Variants in AGBL4 observed in about 807,000 individuals in gnomAD.
AGBL4 encodes the protein cytosolic carboxypeptidase 6.
AGBL4 carries 58 observed loss-of-function variants against 66.4 expected under a neutral mutation model. The ratio of observed to expected loss-of-function variants is 0.87; its 90% CI spans 0.71 to 1.09. AGBL4 has a LOEUF of 1.09. Among genes scored for constraint, AGBL4 ranks in the 50% least tolerant of loss-of-function variants. The probability of loss-of-function intolerance (pLI) is 0.00; values close to 1 mark genes in which losing one functional copy is unlikely to be tolerated. For synonymous variants in AGBL4, 234 were observed against 222.9 expected (o/e 1.05, Z -0.44); for missense variants, 579 against 631.0 (o/e 0.92, Z 0.88).
intron 6 of AGBL4, among the ~76,000 whole-genome samples, chr1:48,841,505 C>T (rs1166467904): frequency 4.0e-5 from 6 of 148,396 alleles, no homozygotes; most frequent in African/African-American, 1.5e-4. Context: ...GCCAGAGCAG[C>T]GATTTCATTT....
chr1:48,866,101 C>T (rs1648042980), intron 6 of AGBL4, among the ~76,000 whole-genome samples: 1 of 152,124 alleles, frequency 6.6e-6, no homozygotes, highest in Non-Finnish European at 1.5e-5. Context: ...CTAGTGGCTG[C>T]ACCTTACAGT....
chr1:49,876,058 C>T (rs1646995395), intron 1 of AGBL4, among the ~76,000 whole-genome samples: 1 of 147,558 alleles, frequency 6.8e-6, no homozygotes, highest in African/African-American at 2.5e-5. Flanking sequence ...TGGATATTAG[C>T]CCTTTGTCAG....
chr1:48,556,695 C>A (rs1328645174), intron 11 of AGBL4, among the ~76,000 whole-genome samples: 1 of 152,254 alleles, frequency 6.6e-6, no homozygotes, highest in Non-Finnish European at 1.5e-5. Flanking sequence ...CCTATACTCT[C>A]CCAGAGCCTC....
chr1:49,235,997 G>GATTTATTTATTTATTT (rs3052026), intron 4 of AGBL4, among the ~76,000 whole-genome samples: 5 of 148,394 alleles, frequency 3.4e-5, no homozygotes, highest in East Asian at 2.0e-4. Flanking sequence ...CATTTTGAAG[G>GATTTATTTATTTATTT]ATTTATTTAT....
At position 49,970,757 on chromosome 1, in the gene AGBL4, A is replaced by ACACAAAC. The variant is rs1557629112; in HGVS notation, c.34+53005_34+53006insGTTTGTG. 6.9e-4 allele frequency among the ~76,000 whole-genome samples: 6 copies of ACACAAAC among 8,638 alleles called. 1 individual carries two copies. The South Asian group carries it at 0.017, about 25-fold the overall frequency. The allele number at this position is 8,638 out of a possible 152,430, so 5.7% of individuals were successfully genotyped here. On this transcript the variant is annotated intron_variant, in intron 1 of 13. Transcript: ENST00000371839. The stretch of plus-strand genomic sequence containing the variant: ...CACACACACACACACATACACAAAC[A>ACACAAAC]AAAAAAAAAAACAGAACGGTGCCCA...
chr1:49,147,063 A>G (rs1569824132), intron 4 of AGBL4, among the ~76,000 whole-genome samples: 3 of 152,284 alleles, frequency 2.0e-5, no homozygotes, highest in South Asian at 4.1e-4. Context: ...GAGGCGACAC[A>G]GGAGGTGGAG....
At chr1:49,021,485 C>T (rs1395871463) in intron 5 of AGBL4, among the ~76,000 whole-genome samples, 1 of 151,950 alleles carries the variant, frequency 6.6e-6, no homozygotes, top group Non-Finnish European at 1.5e-5. Context: ...GGGATTAGTG[C>T]CTTTAAAAGG....
intron 3 of AGBL4, among the ~76,000 whole-genome samples, chr1:49,554,399 T>C (rs1000887207): frequency 6.6e-6 from 1 of 152,152 alleles, no homozygotes; most frequent in Non-Finnish European, 1.5e-5. Context: ...TGAGCACAGA[T>C]AAAAGGTTTT....
intron 11 of AGBL4, among the ~76,000 whole-genome samples, chr1:48,564,694 C>T (rs1005838636): frequency 1.3e-5 from 2 of 152,158 alleles, no homozygotes; most frequent in African/African-American, 4.8e-5. Flanking sequence ...AAGTATGAAA[C>T]AATAGAGGGA....
intron 3 of AGBL4, among the ~76,000 whole-genome samples, chr1:49,692,700 A>C (rs1269076979): frequency 6.6e-6 from 1 of 151,574 alleles, no homozygotes; most frequent in Non-Finnish European, 1.5e-5. Context: ...CCTAGACGAC[A>C]GAAAAAGACT....
intron 5 of AGBL4, among the ~76,000 whole-genome samples, chr1:48,903,325 G>A (rs772519047): frequency 1.2e-4 from 18 of 152,172 alleles, no homozygotes; most frequent in Non-Finnish European, 1.6e-4. Context: ...GTGCAGAGTC[G>A]GTGCCTGAGG....
chr1:49,813,954 AAT>A (rs1319067038), intron 2 of AGBL4, among the ~76,000 whole-genome samples: 1 of 152,104 alleles, frequency 6.6e-6, no homozygotes, highest in Non-Finnish European at 1.5e-5. Flanking sequence ...CATGATAGTG[AAT>A]ATGTCTCATG....
chr1:49,723,641 G>A (rs1009910373), intron 2 of AGBL4, among the ~76,000 whole-genome samples: 3 of 152,120 alleles, frequency 2.0e-5, no homozygotes, highest in Admixed American at 6.6e-5. Flanking sequence ...CAAATTGCCA[G>A]TTTTTCCAAG....
chr1:48,614,488 G>T (rs1358193473), intron 9 of AGBL4, among the ~76,000 whole-genome samples: 2 of 152,224 alleles, frequency 1.3e-5, no homozygotes, highest in Non-Finnish European at 2.9e-5. Context: ...ATACATCAAA[G>T]TGTAGCCCAA....
At chr1:49,404,085 T>C (rs1299463609) in intron 3 of AGBL4, among the ~76,000 whole-genome samples, 2 of 152,292 alleles carry the variant, frequency 1.3e-5, no homozygotes, top group East Asian at 1.9e-4. Context: ...TCATATGTAA[T>C]TTAACAGCAT....
intron 1 of AGBL4, chr1:50,017,213 T>A (rs1662052338): frequency 6.6e-6 from 1 of 152,098 alleles, no homozygotes; most frequent in Non-Finnish European, 1.5e-5. Context: ...TGAACAATAA[T>A]AAATACTATT....
intron 2 of AGBL4, among the ~76,000 whole-genome samples, chr1:49,716,498 T>C (rs1648150084): frequency 6.6e-6 from 1 of 151,906 alleles, no homozygotes; most frequent in Non-Finnish European, 1.5e-5. Context: ...AGAAAGCCAA[T>C]AGTAGCTTGA....
At chr1:49,470,290 G>A (rs552016334) in intron 3 of AGBL4, among the ~76,000 whole-genome samples, 32 of 151,704 alleles carry the variant, frequency 2.1e-4, no homozygotes, top group Non-Finnish European at 4.0e-4. Context: ...GATTATACTC[G>A]CTCCATACAT....
At chr1:49,299,853 A>G (rs764958344) in intron 3 of AGBL4, among the ~76,000 whole-genome samples, 2 of 151,970 alleles carry the variant, frequency 1.3e-5, no homozygotes, top group African/African-American at 4.8e-5. Flanking sequence ...CTTTTAAATC[A>G]TGAATGGGTG....
Sources: allele counts gnomAD v4.1 joint callset (sites outside exome capture counted in the v4.1 genomes callset), GRCh38; gene constraint gnomAD v4.1.1; transcripts MANE v1.5; gene names NCBI Gene and HGNC (gene_info 2026-07-23, HGNC 2026-07-21).